PCSK6: variants seen among roughly 807,000 people sequenced by gnomAD.
PCSK6 encodes paired basic amino acid cleaving enzyme 4.
In PCSK6, 85 loss-of-function variants were observed where a neutral mutation model predicts 123.3. The ratio of observed to expected loss-of-function variants is 0.69; its 90% confidence interval spans 0.58 to 0.83. The LOEUF (loss-of-function observed/expected upper bound fraction) is 0.83. Among genes scored for constraint, PCSK6 ranks in the 40% least tolerant of loss-of-function variants. PCSK6 has a pLI of 0.00. For missense variants in PCSK6, 1,191 were observed against 1,282.3 expected, an observed-to-expected ratio of 0.93 and a Z score of 1.09; for synonymous variants, 508 against 516.0, an observed-to-expected ratio of 0.98 and a Z score of 0.21.
At chr15:101,386,053 T>C (rs934559476) in intron 9 of PCSK6, among the ~76,000 whole-genome samples, 24 of 151,854 alleles carry the variant, frequency 1.6e-4, no homozygotes, top group Admixed American at 1.0e-3. Context: ...CCAGGGCTCG[T>C]TGGGATGCAG....
chr15:101,389,590 G>A lies in PCSK6; in HGVS notation c.1210-26C>T, dbSNP rs756688717. 14 of 1,555,786 alleles carry A rather than the reference G, an allele frequency of 9.0e-6. No homozygotes were observed. In the South Asian group the frequency reaches 1.6e-4, roughly 18 times the overall value. ...CTGGGGGAGAGAGAAGCACAGTGAG[G>A]CAGTGATGGCAGACAGGCTAACTCA... On this transcript the variant is annotated intron_variant, in intron 8 of 21. Transcript: ENST00000611716.
At chr15:101,419,669 C>T (rs115358970) in intron 6 of PCSK6, among the ~76,000 whole-genome samples, 4,017 of 147,234 alleles carry the variant, frequency 0.027, 188 homozygotes, top group African/African-American at 0.096. Flanking sequence ...ACCAAAAAAA[C>T]AAAAACAAAA....
chr15:101,443,879 A>AT (rs1348607723), intron 1 of PCSK6, among the ~76,000 whole-genome samples: 1 of 152,248 alleles, frequency 6.6e-6, no homozygotes, highest in African/African-American at 2.4e-5. Context: ...ACACTAAGTC[A>AT]TATTTCCCAT....
In PCSK6 at chr15:101,328,984, T is replaced by C. The variant is rs1331092514; in HGVS notation, c.2078-2505A>G. On this transcript the variant is annotated intron_variant, in intron 15 of 21. Coordinates refer to ENST00000611716, the MANE Select transcript of PCSK6 (RefSeq NM_002570.5). ...TCTCTGGGCAACCATGATGTTTGTG[T>C]TGCAATTTGTACTTAGGTCTGCTTT... Among the ~76,000 whole-genome samples, 3 of 152,248 alleles carry C rather than the reference T, an allele frequency of 2.0e-5. No individual in the cohort carries two copies. In the East Asian group the frequency reaches 5.8e-4, roughly 29 times the overall value.
chr15:101,466,639 T>C (rs1160498374), intron 1 of PCSK6, among the ~76,000 whole-genome samples: 1 of 152,222 alleles, frequency 6.6e-6, no homozygotes, highest in African/African-American at 2.4e-5. Flanking sequence ...ATGTGGGCAA[T>C]TCATTACAGT....
chr15:101,465,319 T>G (rs1427417115), intron 1 of PCSK6, among the ~76,000 whole-genome samples: 1 of 61,042 alleles, frequency 1.6e-5, no homozygotes, highest in Non-Finnish European at 4.6e-5. Flanking sequence ...CCGCACTGAT[T>G]CTACAGCCCT....
rs139455333 is a variant in PCSK6, at chr15:101,311,493, G to A, written c.2699+1883C>T. On this transcript the variant is annotated intron_variant, in intron 20 of 21. Transcript: ENST00000611716. ...GCCCTTGCTTCACCTGCCATCAGGA[G>A]TGAAGACGCTGGGCAGATGCTGGCG... 6.2e-3 allele frequency among the ~76,000 whole-genome samples: 940 copies of A among 152,136 alleles called. 3 individuals are homozygous for A. The highest frequency in any genetic ancestry group is 0.01 in the Middle Eastern group (3 of 294).
At position 101,449,785 on chromosome 15, in the gene PCSK6, G is replaced by A. The variant is rs542748492; in HGVS notation, c.298-6125C>T. 2.6e-5 allele frequency among the ~76,000 whole-genome samples: 4 copies of A among 152,260 alleles called. No individual in the cohort carries two copies. In the South Asian group the frequency reaches 8.3e-4, roughly 32 times the overall value. On this transcript the variant is annotated intron_variant, in intron 1 of 21. Transcript: ENST00000611716. ...AACTGCATGAGATACCGAGAAGACA[G>A]GCCCAGAAGGCTGTTTCTTCATTTC...
chr15:101,489,045 T>G (rs2058091348), intron 1 of PCSK6, among the ~76,000 whole-genome samples: 1 of 149,202 alleles, frequency 6.7e-6, no homozygotes, highest in Non-Finnish European at 1.5e-5. Flanking sequence ...CCGGCAGGTG[T>G]CCGCGCCGCC....
intron 13 of PCSK6, among the ~76,000 whole-genome samples, chr15:101,338,979 GAACA>G (rs1317043636): frequency 6.6e-6 from 1 of 152,178 alleles, no homozygotes; most frequent in Non-Finnish European, 1.5e-5. Flanking sequence ...AATTCATAAT[GAACA>G]AACAGGATTA....
intron 10 of PCSK6, among the ~76,000 whole-genome samples, chr15:101,383,545 C>G (rs2041970355): frequency 6.6e-6 from 1 of 152,172 alleles, no homozygotes; most frequent in African/African-American, 2.4e-5. Context: ...GTACCTAGGT[C>G]TGTACCAGGC....
chr15:101,342,124 T>C (rs11858508), intron 13 of PCSK6, among the ~76,000 whole-genome samples: 12,576 of 59,808 alleles, frequency 0.21, 775 homozygotes, highest in Middle Eastern at 0.34. Flanking sequence ...AGTAAGACCC[T>C]GTCTCAAAAA....
intron 20 of PCSK6, among the ~76,000 whole-genome samples, chr15:101,312,765 G>C (rs189679738): frequency 1.8e-4 from 28 of 152,266 alleles, no homozygotes; most frequent in Admixed American, 5.2e-4. Flanking sequence ...CTGGGAGGCG[G>C]AGCTTGCAAT....
rs961779033 is a variant in PCSK6, at chr15:101,459,131, T to C, written c.298-15471A>G. On this transcript the variant is annotated intron_variant, in intron 1 of 21. Coordinates refer to ENST00000611716, the MANE Select transcript of PCSK6 (RefSeq NM_002570.5). ...CTGCTAGCTCCGCCCACTGAGCCCT[T>C]GGGAATCCCTATTATATACAAACAT... 1.1e-4 allele frequency among the ~76,000 whole-genome samples: 16 copies of C among 152,234 alleles called. No homozygotes were observed. In the South Asian group the frequency reaches 3.3e-3, roughly 32 times the overall value.
intron 12 of PCSK6, among the ~76,000 whole-genome samples, chr15:101,369,450 G>C (rs2041508139): frequency 6.6e-6 from 1 of 152,240 alleles, no homozygotes; most frequent in African/African-American, 2.4e-5. Context: ...GGCCCAGAGT[G>C]GGCAAGGGGA....
chr15:101,347,702 C>T, intron 13 of PCSK6: 2 of 1,612,458 alleles, frequency 1.2e-6, no homozygotes, highest in Non-Finnish European at 1.7e-6. Context: ...TCATCTGTCC[C>T]TCTGCAGTAT....
chr15:101,307,535 G>C (rs1405223618), intron 20 of PCSK6: 3 of 517,604 alleles, frequency 5.8e-6, no homozygotes, highest in East Asian at 3.3e-5. Flanking sequence ...TGCCCTGGGA[G>C]GGCAGAGACA....
At chr15:101,414,722 G>A (rs1203488940) in intron 6 of PCSK6, among the ~76,000 whole-genome samples, 3 of 152,150 alleles carry the variant, frequency 2.0e-5, no homozygotes, top group Non-Finnish European at 4.4e-5. Flanking sequence ...CAAAAGGCAG[G>A]TAAAGACAGA....
chr15:101,381,944 A>C, intron 11 of PCSK6, 148 bp downstream of exon 11: 1 of 607,104 alleles, frequency 1.6e-6, no homozygotes, highest in Non-Finnish European at 2.9e-6. Context: ...TCCACAAGAG[A>C]AAACGCAGAC....
Sources: allele counts gnomAD v4.1 joint callset (sites outside exome capture counted in the v4.1 genomes callset), GRCh38; gene constraint gnomAD v4.1.1; transcripts MANE v1.5; gene names NCBI Gene and HGNC (gene_info 2026-07-23, HGNC 2026-07-21).